ADGRL3: variants seen among roughly 807,000 people sequenced by gnomAD.
ADGRL3 encodes adhesion G protein-coupled receptor L3.
In ADGRL3, 62 loss-of-function variants were observed where a neutral mutation model predicts 153.5. The ratio of observed to expected loss-of-function variants is 0.40; its 90% CI spans 0.33 to 0.50. The LOEUF is 0.50. Ranked by LOEUF, ADGRL3 falls within the 20% of genes least tolerant of loss-of-function variation. The pLI is 0.47. For missense variants in ADGRL3, 1,641 were observed against 1,859.4 expected (o/e 0.88, Z 2.16); for synonymous variants, 710 against 672.5 (o/e 1.06, Z -0.86).
At chr4:61,892,467 C>A (rs2098595698) in intron 9 of ADGRL3, among the ~76,000 whole-genome samples, 189 bp from the exon 10 acceptor site, 1 of 152,076 alleles carries the variant, frequency 6.6e-6, no homozygotes. Context: ...TTTTGATACT[C>A]AAGTGGCATC....
chr4:61,867,115 C>T, intron 9 of ADGRL3, among the ~76,000 whole-genome samples: 1 of 152,030 alleles, frequency 6.6e-6, no homozygotes, highest in East Asian at 1.9e-4. Context: ...CAGCCCATAT[C>T]TATTTTTTTA....
intron 2 of ADGRL3, among the ~76,000 whole-genome samples, chr4:61,468,869 T>G (rs537360176): frequency 1.3e-5 from 2 of 152,216 alleles, no homozygotes; most frequent in African/African-American, 4.8e-5. Context: ...TTGACAGATC[T>G]CCCCATTTCT....
chr4:61,823,738 G>C (rs547219293), intron 9 of ADGRL3, among the ~76,000 whole-genome samples: 1 of 152,170 alleles, frequency 6.6e-6, no homozygotes, highest in East Asian at 1.9e-4. Flanking sequence ...AAGGAACTAC[G>C]ACTTAGTGCC....
At chr4:61,602,592 C>A (rs188354648) in intron 5 of ADGRL3, among the ~76,000 whole-genome samples, 1 of 151,976 alleles carries the variant, frequency 6.6e-6, no homozygotes, top group African/African-American at 2.4e-5. Context: ...CGGTGCCCAC[C>A]CTTTGAGCTA....
intron 9 of ADGRL3, among the ~76,000 whole-genome samples, chr4:61,856,947 CTTCTCTTTCT>C (rs1217243446): frequency 5.0e-4 from 39 of 77,986 alleles, no homozygotes; most frequent in African/African-American, 1.7e-3. Context: ...CCTCTTTCTT[CTTCTCTTTCT>C]TTCTTTCTTT....
chr4:61,764,929 A>G (rs371921711), intron 8 of ADGRL3, among the ~76,000 whole-genome samples: 6 of 151,260 alleles, frequency 4.0e-5, no homozygotes, highest in Admixed American at 6.6e-5. Context: ...GTCGTATAGA[A>G]TGATTGGTGA....
chr4:61,432,637 T>C (rs958971139), intron 2 of ADGRL3, among the ~76,000 whole-genome samples: 10 of 82,624 alleles, frequency 1.2e-4, no homozygotes, highest in Admixed American at 4.0e-4. Flanking sequence ...TTTCTTTCTT[T>C]CTTTCTTTCT....
intron 4 of ADGRL3, among the ~76,000 whole-genome samples, chr4:61,546,293 A>T (rs1308168044): frequency 2.0e-5 from 3 of 152,160 alleles, no homozygotes; most frequent in African/African-American, 4.8e-5. Flanking sequence ...AGCCTCATTT[A>T]TATTACTATA....
chr4:61,965,007 C>T (rs1024803942), intron 17 of ADGRL3, among the ~76,000 whole-genome samples: 17 of 151,728 alleles, frequency 1.1e-4, no homozygotes, highest in African/African-American at 1.7e-4. Context: ...TTTTTCTGGC[C>T]TATTAGTTTT....
intron 1 of ADGRL3, among the ~76,000 whole-genome samples, chr4:61,303,637 T>C (rs542649635): frequency 6.6e-6 from 1 of 152,324 alleles, no homozygotes. Flanking sequence ...GTTAGATGTT[T>C]ATACATTGTA....
At chr4:62,056,899 G>A (rs1737317921) in intron 25 of ADGRL3, among the ~76,000 whole-genome samples, 1 of 151,858 alleles carries the variant, frequency 6.6e-6, no homozygotes, top group Non-Finnish European at 1.5e-5. Context: ...TGAAAATTGA[G>A]GCATATTGCT....
intron 6 of ADGRL3, among the ~76,000 whole-genome samples, chr4:61,717,623 T>C (rs1320457962): frequency 1.3e-5 from 2 of 152,182 alleles, no homozygotes; most frequent in Non-Finnish European, 2.9e-5. Flanking sequence ...CATTCAATAG[T>C]TGTTGGCTAT....
intron 25 of ADGRL3, among the ~76,000 whole-genome samples, chr4:62,056,359 C>A (rs1440205591): frequency 6.6e-6 from 1 of 151,736 alleles, no homozygotes. Flanking sequence ...AAGAAACTTA[C>A]CTCTTATTCC....
intron 9 of ADGRL3, among the ~76,000 whole-genome samples, chr4:61,870,841 G>C (rs1042678277): frequency 1.3e-5 from 2 of 152,158 alleles, no homozygotes; most frequent in African/African-American, 4.8e-5. Context: ...CACACAGCTG[G>C]TGGGATTATT....
At chr4:61,260,717 C>A (rs1000640811) in intron 1 of ADGRL3, among the ~76,000 whole-genome samples, 2 of 151,068 alleles carry the variant, frequency 1.3e-5, no homozygotes, top group African/African-American at 2.4e-5. Flanking sequence ...ATCTTAGTGG[C>A]CTTTAAAAAA....
At chr4:61,862,311 C>G (rs2098349335) in intron 9 of ADGRL3, among the ~76,000 whole-genome samples, 1 of 152,134 alleles carries the variant, frequency 6.6e-6, no homozygotes, top group Non-Finnish European at 1.5e-5. Flanking sequence ...AAAATACAGT[C>G]TGCACCCCAG....
At position 61,909,483 on chromosome 4, in the gene ADGRL3, A is replaced by T. The variant is rs2098711943; in HGVS notation, c.1888-77A>T. ...GAATCGATGATTACAATTACATGCA[A>T]ACATGATCGTTGAAAGAAAGCAATA... On this transcript the variant is annotated intron_variant, in intron 11 of 26. Coordinates refer to ENST00000683033, the MANE Select transcript of ADGRL3 (RefSeq NM_001387552.1). 4.0e-6 allele frequency: 4 copies of T among 993,326 alleles called. No individual in the cohort carries two copies. The African/African-American group carries it at 4.9e-5, about 12-fold the overall frequency. 61.5% of individuals were successfully genotyped at this position (993,326 alleles called of 1,614,324 possible).
At chr4:61,380,338 C>T (rs546128767) in intron 1 of ADGRL3, among the ~76,000 whole-genome samples, 1 of 152,060 alleles carries the variant, frequency 6.6e-6, no homozygotes, top group Admixed American at 6.6e-5. Context: ...CCAACTAGAG[C>T]AGTGCCTGGC....
chr4:61,737,829 G>A (rs1232764021), intron 8 of ADGRL3, among the ~76,000 whole-genome samples: 2 of 151,914 alleles, frequency 1.3e-5, no homozygotes, highest in African/African-American at 4.8e-5. Context: ...CGATGTATTT[G>A]TACTCTAAAA....
Sources: allele counts gnomAD v4.1 joint callset (sites outside exome capture counted in the v4.1 genomes callset), GRCh38; gene constraint gnomAD v4.1.1; transcripts MANE v1.5; gene names NCBI Gene and HGNC (gene_info 2026-07-23, HGNC 2026-07-21).